CNTNAP2: variants seen among roughly 807,000 people sequenced by gnomAD.
The protein encoded by CNTNAP2 is contactin associated protein 2, also known as contactin-associated protein-like 2.
CNTNAP2 carries 98 observed loss-of-function variants against 155.2 expected under a neutral mutation model. The ratio of observed to expected loss-of-function variants is 0.63; its 90% confidence interval spans 0.54 to 0.75. The LOEUF is 0.75. CNTNAP2 is among the 30% of genes least tolerant of loss of function. The pLI is 0.00. For missense variants in CNTNAP2, 1,727 were observed against 1,688.1 expected, an observed-to-expected ratio of 1.02 and a Z score of -0.40; for synonymous variants, 651 against 631.2, an observed-to-expected ratio of 1.03 and a Z score of -0.47.
intron 1 of CNTNAP2, among the ~76,000 whole-genome samples, chr7:146,138,236 AAATGT>A (rs1422197317): frequency 6.6e-6 from 1 of 152,130 alleles, no homozygotes; most frequent in Admixed American, 6.6e-5. Context: ...ACTATGTGGA[AAATGT>A]AATGTACTTT....
At chr7:146,535,172 ATATATCATATATATGATAT>A (rs1797835927) in intron 1 of CNTNAP2, among the ~76,000 whole-genome samples, 1 of 19,986 alleles carries the variant, frequency 5.0e-5, no homozygotes, top group Non-Finnish European at 6.9e-5. Flanking sequence ...ATATTATATC[ATATATCATATATATGATAT>A]TATATCATAT....
chr7:146,491,814 T>A (rs1797143705), intron 1 of CNTNAP2, among the ~76,000 whole-genome samples: 1 of 152,188 alleles, frequency 6.6e-6, no homozygotes, highest in South Asian at 2.1e-4. Context: ...CTGCCTACTT[T>A]GTGAAACAAA....
intron 2 of CNTNAP2, among the ~76,000 whole-genome samples, chr7:146,792,159 A>G (rs1228182443): frequency 6.6e-6 from 1 of 152,222 alleles, no homozygotes; most frequent in Non-Finnish European, 1.5e-5. Context: ...TTCATTATTC[A>G]TAAACACTTA....
At chr7:147,137,130 A>C (rs989979740) in intron 8 of CNTNAP2, among the ~76,000 whole-genome samples, 1 of 151,626 alleles carries the variant, frequency 6.6e-6, no homozygotes. Context: ...ACATATATAC[A>C]ATAACCAAAG....
chr7:147,299,118 CA>C (rs1201271654), intron 8 of CNTNAP2, among the ~76,000 whole-genome samples: 8 of 152,272 alleles, frequency 5.3e-5, no homozygotes, highest in Admixed American at 5.2e-4. Flanking sequence ...AAGAATAGCA[CA>C]AAATACCCCC....
At chr7:148,214,366 C>T (rs1402702454) in intron 18 of CNTNAP2, among the ~76,000 whole-genome samples, 1 of 152,190 alleles carries the variant, frequency 6.6e-6, no homozygotes, top group African/African-American at 2.4e-5. Flanking sequence ...ATAACATTCA[C>T]TGTATTGTAC....
At chr7:146,577,075 T>A (rs1308058197) in intron 1 of CNTNAP2, among the ~76,000 whole-genome samples, 1 of 152,202 alleles carries the variant, frequency 6.6e-6, no homozygotes, top group African/African-American at 2.4e-5. Context: ...TAACTTAGAT[T>A]GCTGAATTAG....
intron 12 of CNTNAP2, among the ~76,000 whole-genome samples, chr7:147,569,225 C>T (rs1800235117): frequency 6.6e-6 from 1 of 152,144 alleles, no homozygotes; most frequent in Admixed American, 6.5e-5. Flanking sequence ...TAAGCGCTTG[C>T]ACTCAGTATT....
chr7:147,925,154 A>AAGGAAT (rs1554450376), intron 14 of CNTNAP2, among the ~76,000 whole-genome samples: 1 of 63,310 alleles, frequency 1.6e-5, no homozygotes, highest in East Asian at 5.3e-4. Flanking sequence ...AGAGAGAGAG[A>AAGGAAT]GAAGGAAGGA....
At chr7:146,997,238 G>T (rs765333029) in intron 3 of CNTNAP2, among the ~76,000 whole-genome samples, 13 of 151,988 alleles carry the variant, frequency 8.6e-5, no homozygotes, top group Admixed American at 8.5e-4. Context: ...TTATGTTGAG[G>T]TATTTGTCTA....
intron 1 of CNTNAP2, among the ~76,000 whole-genome samples, chr7:146,171,420 A>G (rs1260318224): frequency 6.6e-6 from 1 of 152,210 alleles, no homozygotes; most frequent in Non-Finnish European, 1.5e-5. Context: ...ACAAGTATAC[A>G]TACAAGCAGG....
chr7:148,409,863 A>G lies in CNTNAP2; in HGVS notation c.3796+392A>G, dbSNP rs375323557. Among the ~76,000 whole-genome samples the G allele has an allele frequency of 2.3e-5, 2 of 88,850 alleles. 1 individual carries two copies. The highest frequency in any genetic ancestry group is 4.8e-5 in the Non-Finnish European group (2 of 41,834). The allele number at this position is 88,850 out of a possible 152,430, so 58.3% of individuals were successfully genotyped here. ...TCAGGAGATCGAGACCATCTTGGCT[A>G]ACACGGTGAAACCCCGTCTCTACTA... On this transcript the variant is annotated intron_variant, in intron 23 of 23. Coordinates refer to ENST00000361727, the MANE Select transcript of CNTNAP2 (RefSeq NM_014141.6).
intron 3 of CNTNAP2, among the ~76,000 whole-genome samples, chr7:146,937,682 T>G (rs933120497): frequency 6.6e-6 from 1 of 152,206 alleles, no homozygotes; most frequent in African/African-American, 2.4e-5. Flanking sequence ...TACTTTTATT[T>G]TATTAAAAAA....
At chr7:147,934,269 A>T (rs1800564019) in intron 14 of CNTNAP2, among the ~76,000 whole-genome samples, 2 of 152,190 alleles carry the variant, frequency 1.3e-5, no homozygotes, top group Admixed American at 1.3e-4. Context: ...TTTAAAAAAG[A>T]AAGAGGTTTA....
intron 1 of CNTNAP2, among the ~76,000 whole-genome samples, chr7:146,390,373 G>A (rs1486729849): frequency 6.6e-6 from 1 of 151,914 alleles, no homozygotes; most frequent in Non-Finnish European, 1.5e-5. Context: ...TGGAACATAT[G>A]GACATGATGG....
intron 8 of CNTNAP2, among the ~76,000 whole-genome samples, chr7:147,287,614 C>T (rs1220024080): frequency 2.0e-5 from 3 of 152,106 alleles, no homozygotes; most frequent in Non-Finnish European, 4.4e-5. Flanking sequence ...CCGTGACTTA[C>T]ACTCATGACA....
intron 3 of CNTNAP2, among the ~76,000 whole-genome samples, chr7:146,985,318 T>A (rs1396751140): frequency 5.1e-5 from 1 of 19,666 alleles, no homozygotes; most frequent in African/African-American, 1.4e-4. Flanking sequence ...ATTTTTTTTT[T>A]TTTTTTTTTT....
chr7:146,173,051 T>C (rs1330497868), intron 1 of CNTNAP2, among the ~76,000 whole-genome samples: 2 of 152,192 alleles, frequency 1.3e-5, no homozygotes, highest in African/African-American at 4.8e-5. Flanking sequence ...GAAATATTGA[T>C]ATAATCCTAT....
chr7:148,041,225 A>AAT (rs1802669025), intron 15 of CNTNAP2, among the ~76,000 whole-genome samples: 1 of 152,230 alleles, frequency 6.6e-6, no homozygotes, highest in Non-Finnish European at 1.5e-5. Flanking sequence ...CAGGCAAATG[A>AAT]ATATAGGCCT....
Sources: gnomAD v4.1 joint callset for allele counts (sites outside exome capture counted in the v4.1 genomes callset) on GRCh38, gnomAD v4.1.1 for gene constraint, MANE v1.5 for transcripts, NCBI Gene and HGNC (gene_info 2026-07-23, HGNC 2026-07-21) for gene names.